C19orf12: variants seen among roughly 807,000 people sequenced by gnomAD.
C19orf12 encodes chromosome 19 open reading frame 12, also known as protein C19orf12.
In C19orf12, 2 loss-of-function variants were observed where a neutral mutation model predicts 3.8. The ratio of observed to expected loss-of-function variants is 0.53; its 90% confidence interval spans 0.22 to 1.66. C19orf12 has a LOEUF of 1.66. C19orf12 is among the 40% of genes most tolerant of loss of function. The pLI, the probability that C19orf12 is intolerant of heterozygous loss-of-function variation, is 0.20. For missense variants in C19orf12, 156 were observed against 188.8 expected, an observed-to-expected ratio of 0.83 and a Z score of 1.02; for synonymous variants, 89 against 84.6, an observed-to-expected ratio of 1.05 and a Z score of -0.28.
At chr19:29,712,048 C>T (rs534464444) in intron 1 of C19orf12, among the ~76,000 whole-genome samples, 2 of 152,146 alleles carry the variant, frequency 1.3e-5, no homozygotes, top group Non-Finnish European at 1.5e-5. Context: ...GAAAGCGGGT[C>T]CCCTGTGTGA....
intron 1 of C19orf12, among the ~76,000 whole-genome samples, chr19:29,711,252 C>G (rs1034220752): frequency 3.3e-5 from 5 of 152,142 alleles, no homozygotes; most frequent in African/African-American, 1.2e-4. Flanking sequence ...GTTGGCCAGG[C>G]TGGTCTTGAA....
intron 2 of C19orf12, 31 bp downstream of exon 2, chr19:29,708,223 C>T (rs1972480257): frequency 6.2e-7 from 1 of 1,606,894 alleles, no homozygotes. Flanking sequence ...ATCCCCGAGG[C>T]TGGCTATCTC....
Position 29,711,738 on chromosome 19 carries a change from C to G in C19orf12, c.-10-3315G>C, listed in dbSNP as rs1599552237. ...AAGTGGAAAGAAGGAAGGCAGGAAA[C>G]AGATACATAACCACTTTAGCTCTAC... On this transcript the variant is annotated intron_variant, in intron 1 of 2. Coordinates refer to ENST00000323670, the MANE Select transcript of C19orf12 (RefSeq NM_031448.6). Among the ~76,000 whole-genome samples, 2 of 152,284 alleles carry G rather than the reference C, an allele frequency of 1.3e-5. 1 individual carries two copies. The highest frequency in any genetic ancestry group is 1.3e-4 in the Admixed American group (2 of 15,286).
intron 2 of C19orf12, among the ~76,000 whole-genome samples, chr19:29,704,003 A>G (rs1972251189): frequency 6.6e-6 from 1 of 151,294 alleles, no homozygotes; most frequent in African/African-American, 2.4e-5. Context: ...AAAAGAAACC[A>G]TCTCAGTGGT....
Position 29,715,195 on chromosome 19 carries a change from C to T in C19orf12, c.-81G>A, listed in dbSNP as rs1972898251. ...GCTGCAGCCCGGGCCTGGCAGGCCC[C>T]GGGCTCCCCGCCCAGCTCCCCAGCC... On this transcript the variant is annotated 5_prime_UTR_variant, in exon 1 of 3. Coordinates refer to ENST00000323670, the MANE Select transcript of C19orf12 (RefSeq NM_031448.6). 4.1e-6 allele frequency: 2 copies of T among 482,792 alleles called. No homozygotes were observed. Among genetic ancestry groups the T allele is most frequent in the East Asian group, 5.0e-5 (1 of 20,084 alleles). 29.9% of individuals were successfully genotyped at this position (482,792 alleles called of 1,614,324 possible). A position where few individuals can be genotyped will look rare whatever the true frequency, so the allele number is the denominator to read the frequency against.
intron 1 of C19orf12, among the ~76,000 whole-genome samples, chr19:29,710,341 C>T (rs28581949): frequency 0.11 from 16,575 of 152,190 alleles, 1,400 homozygotes; most frequent in East Asian, 0.36. Context: ...GAGCATCCTG[C>T]GCTCCTGCCC....
intron 1 of C19orf12, among the ~76,000 whole-genome samples, chr19:29,709,623 G>A (rs1014588463): frequency 2.7e-5 from 4 of 150,442 alleles, no homozygotes; most frequent in Non-Finnish European, 5.9e-5. Context: ...TTGACCTCCT[G>A]GGCTCAAGCG....
rs569552156 is a variant in C19orf12 at position 29,700,020 on chromosome 19, G to C, written c.*2692C>G. 2.2e-6 allele frequency: 1 copy of C among 454,092 alleles called. No individual in the cohort carries two copies. Among genetic ancestry groups the C allele is most frequent in the Non-Finnish European group, 4.4e-6 (1 of 226,800 alleles). The allele number at this position is 454,092 out of a possible 1,614,324, so 28.1% of individuals were successfully genotyped here. A position where few individuals can be genotyped will look rare whatever the true frequency, so the allele number is the denominator to read the frequency against. Reference sequence around the variant, plus strand: ...TCACCCCAGGACCCAGCTAGTTCCAGTGTCTTCACTCAGCAAGGCCTGCTC... The same window carrying C: ...TCACCCCAGGACCCAGCTAGTTCCACTGTCTTCACTCAGCAAGGCCTGCTC... On this transcript the variant is annotated 3_prime_UTR_variant, in exon 3 of 3. Transcript: ENST00000323670.
intron 2 of C19orf12, chr19:29,705,253 G>A (rs1861759830): frequency 2.4e-6 from 1 of 414,758 alleles, no homozygotes; most frequent in Admixed American, 3.0e-5. Context: ...AATTCAAACT[G>A]AGAGATGTTC....
intron 2 of C19orf12, among the ~76,000 whole-genome samples, chr19:29,704,352 C>T (rs1351848387): frequency 1.3e-5 from 2 of 151,304 alleles, no homozygotes; most frequent in Admixed American, 1.3e-4. Context: ...GCCTGTAATC[C>T]CAGCTACTGG....
chr19:29,714,063 T>C (rs1467887161), intron 1 of C19orf12, among the ~76,000 whole-genome samples: 2 of 152,080 alleles, frequency 1.3e-5, no homozygotes, highest in Non-Finnish European at 2.9e-5. Context: ...GGTGTTGTTG[T>C]TGTTTTTTCC....
Position 29,715,180 on chromosome 19 carries a change from G to C in C19orf12, c.-66C>G, listed in dbSNP as rs746678834. ...CGGCGATCAGACGCGGCTGCAGCCC[G>C]GGCCTGGCAGGCCCCGGGCTCCCCG... On this transcript the variant is annotated 5_prime_UTR_variant, in exon 1 of 3. Coordinates refer to ENST00000323670, the MANE Select transcript of C19orf12 (RefSeq NM_031448.6). 2 of 519,108 alleles carry C rather than the reference G, an allele frequency of 3.9e-6. No homozygotes were observed. Among genetic ancestry groups the C allele is most frequent in the Non-Finnish European group, 6.9e-6 (2 of 287,818 alleles). 32.2% of individuals were successfully genotyped at this position (519,108 alleles called of 1,614,324 possible).
chr19:29,715,629 C>G (rs1008457564), upstream of C19orf12: 1 of 203,400 alleles, frequency 4.9e-6, no homozygotes, highest in African/African-American at 2.4e-5. Flanking sequence ...CCCCTCTCTC[C>G]CCGCAGCCTG....
rs752450983 is a variant in C19orf12, at chr19:29,702,977, C to A, written c.161G>T (p.Gly54Val). The change falls in exon 3 of 3, where the codon GGG (glycine) becomes GTG (valine). Residue 54 changes from glycine (G) to valine (V), a missense_variant and splice_region_variant. Physicochemically the swap from Gly to Val is moderately radical, Grantham distance 109. Transcript: ENST00000323670. Reference protein sequence around the residue: ...LVGGPPGLAVGGAVGGLLGAW... With the variant: ...LVGGPPGLAVVGAVGGLLGAW... ...ACCTAACAGCCCCCCGACAGCCCCC[C>A]CTAGAAAACATGGAATCGTTCAATT... 20 of 1,614,126 alleles carry A rather than the reference C, an allele frequency of 1.2e-5. No homozygotes were observed. The highest frequency in any genetic ancestry group is 2.2e-5 in the East Asian group (1 of 44,878).
chr19:29,699,949 T>C lies in C19orf12; in HGVS notation c.*2763A>G, dbSNP rs113735809. The C allele has an allele frequency of 4.1e-3, 1,849 of 454,078 alleles. 29 individuals carry two copies. The highest frequency in any genetic ancestry group is 0.033 in the African/African-American group (1,630 of 50,098). 28.1% of individuals were successfully genotyped at this position (454,078 alleles called of 1,614,324 possible). ...AAGTGCTTTCGGCTCCTGGGGGAGA[T>C]AAGACTCCAGGTTCAGGCTGCCCTT... is the stretch of plus-strand genomic sequence containing the variant. On this transcript the variant is annotated 3_prime_UTR_variant, in exon 3 of 3. Transcript: ENST00000323670.
At chr19:29,709,944 T>TGA (rs1972586613) in intron 1 of C19orf12, among the ~76,000 whole-genome samples, 1 of 152,156 alleles carries the variant, frequency 6.6e-6, no homozygotes, top group Non-Finnish European at 1.5e-5. Context: ...CGATCATGGC[T>TGA]GACTGCAGCC....
At position 29,701,944 on chromosome 19, in the gene C19orf12, G is replaced by A. The variant is rs1207630778; in HGVS notation, c.*768C>T. On this transcript the variant is annotated 3_prime_UTR_variant, in exon 3 of 3. Coordinates refer to ENST00000323670, the MANE Select transcript of C19orf12 (RefSeq NM_031448.6). ...CGCTTCCTTGCTTTATTGTGATGTT[G>A]GCTTTACCGAGGTGGTCTGGAACTG... 1 of 454,002 alleles carries A rather than the reference G, an allele frequency of 2.2e-6. No homozygotes were observed. Among genetic ancestry groups the A allele is most frequent in the Non-Finnish European group, 4.4e-6 (1 of 226,796 alleles). 28.1% of individuals were successfully genotyped at this position (454,002 alleles called of 1,614,324 possible). A position where few individuals can be genotyped will look rare whatever the true frequency, so the allele number is the denominator to read the frequency against.
At chr19:29,705,043 G>A (rs1972299115) in intron 2 of C19orf12, among the ~76,000 whole-genome samples, 1 of 152,188 alleles carries the variant, frequency 6.6e-6, no homozygotes, top group African/African-American at 2.4e-5. Context: ...GACAGAGTAT[G>A]GAAAGGGAAA....
At chr19:29,712,915 C>T (rs61188314) in intron 1 of C19orf12, among the ~76,000 whole-genome samples, 2 of 152,170 alleles carry the variant, frequency 1.3e-5, no homozygotes, top group East Asian at 1.9e-4. Context: ...GCTATCACTG[C>T]GTGTGTGAGG....
Sources: gnomAD v4.1 joint callset for allele counts (sites outside exome capture counted in the v4.1 genomes callset) on GRCh38, gnomAD v4.1.1 for gene constraint, MANE v1.5 for transcripts, NCBI Gene and HGNC (gene_info 2026-07-23, HGNC 2026-07-21) for gene names.